Variants in HYOU1 observed in about 807,000 individuals in gnomAD.
HYOU1 encodes the protein hypoxia up-regulated 1.
Under a neutral mutation model 120.5 loss-of-function variants are expected in HYOU1, and 40 were observed. The ratio of observed to expected loss-of-function variants is 0.33; its 90% CI spans 0.26 to 0.43. The LOEUF (loss-of-function observed/expected upper bound fraction) is 0.43. Among genes scored for constraint, HYOU1 ranks in the 20% least tolerant of loss-of-function variants. The probability of loss-of-function intolerance (pLI) is 1.00; values close to 1 mark genes in which losing one functional copy is unlikely to be tolerated. For synonymous variants in HYOU1, 501 were observed against 479.4 expected, an observed-to-expected ratio of 1.05 and a Z score of -0.59; for missense variants, 1,085 against 1,278.3, an observed-to-expected ratio of 0.85 and a Z score of 2.31.
chr11:119,044,457 C>G lies in HYOU1; in HGVS notation c.*1136G>C, dbSNP rs550009675. On this transcript the variant is annotated 3_prime_UTR_variant, in exon 26 of 26. Transcript: ENST00000617285. ...CAGCAGCCCTAGCTCCTGCTACAGA[C>G]GGAATACTGGAGGACGGGCTCCCTA... 6.6e-6 allele frequency: 1 copy of G among 152,580 alleles called. No homozygotes were observed. The highest frequency in any genetic ancestry group is 2.1e-4 in the South Asian group (1 of 4,824). 9.5% of individuals were successfully genotyped at this position (152,580 alleles called of 1,614,324 possible).
intron 7 of HYOU1, 67 bp downstream of exon 7, chr11:119,054,427 G>A (rs951304334): frequency 2.6e-6 from 4 of 1,525,686 alleles, no homozygotes; most frequent in African/African-American, 1.4e-5. Context: ...GATGCAAAAG[G>A]GACCAAGTGG....
chr11:119,054,671 C>T lies in HYOU1; in HGVS notation c.501G>A (p.Gln167=). Reference sequence around the variant, plus strand: ...CGGTGATCACTGCATCCTTGATGGGCTGCTCTACAGATGACAACAGAAAAG... The same window carrying T: ...CGGTGATCACTGCATCCTTGATGGGTTGCTCTACAGATGACAACAGAAAAG... ...SRSLAEDFAE[Q]PIKDAVITVP... Residue 167 remains glutamine, a synonymous_variant, in exon 7 of 26, where the codon CAG becomes CAA. Coordinates refer to ENST00000617285, the MANE Select transcript of HYOU1 (RefSeq NM_006389.5). 6.2e-7 allele frequency: 1 copy of T among 1,611,348 alleles called. No homozygotes were observed. The highest frequency in any genetic ancestry group is 1.3e-5 in the African/African-American group (1 of 75,004).
Position 119,051,123 on chromosome 11 carries a change from T to G in HYOU1, c.1577A>C (p.Asp526Ala). The stretch of plus-strand genomic sequence containing the variant: ...GTAGTCAGGATACTTCTTGAAGCTG[T>G]CACCCACCCCTTTTAGCTTCACTGT... ...LTTVKLKGVG[D>A]SFKKYPDYES... Residue 526 changes from aspartate (D) to alanine (A), a missense_variant, in exon 14 of 26, where the codon GAC (aspartate) becomes GCC (alanine). Around this residue, in one of 4 missense-constraint regions of HYOU1, gnomAD observed 515 missense variants for 677.8 expected, o/e 0.76. Transcript: ENST00000617285. This position sits in a 1 kb window ranked among gnomAD's most constrained non-coding sequence, Gnocchi z 4.2. The G allele has an allele frequency of 1.9e-6, 3 of 1,614,198 alleles. No homozygotes were observed. Among genetic ancestry groups the G allele is most frequent in the Non-Finnish European group, 2.5e-6 (3 of 1,180,018 alleles).
chr11:119,052,265 G>C lies in HYOU1; in HGVS notation c.1122+30C>G. On this transcript the variant is annotated intron_variant, in intron 10 of 25. Transcript: ENST00000617285. This position sits in a 1 kb window ranked among gnomAD's most constrained non-coding sequence, Gnocchi z 5.0. ...TGGGTTTCCTATGCCCTTTCCTACG[G>C]GGCATTCCCGCCTTCCCCTACTCGC... The C allele has an allele frequency of 6.2e-7, 1 of 1,614,120 alleles. No individual in the cohort carries two copies. Among genetic ancestry groups the C allele is most frequent in the Non-Finnish European group, 8.5e-7 (1 of 1,179,998 alleles).
Position 119,048,758 on chromosome 11 carries a change from G to A in HYOU1, c.2121C>T (p.Asp707=). The change falls in exon 18 of 26, where the codon GAC becomes GAT. Residue 707 remains aspartate (D), a synonymous_variant. Transcript: ENST00000617285. The surrounding 1 kb of genome is among the most constrained non-coding windows in gnomAD (Gnocchi z 4.7). ...GCTTATCCTCTGGCAAGTCAGGCAG[G>A]TCCAGAACAACCAGCTCCACCCCGA... The part of the protein sequence containing the change: ...EEIGVELVVL[D]LPDLPEDKLA... 1 of 1,613,628 alleles carries A rather than the reference G, an allele frequency of 6.2e-7. No homozygotes were observed. Among genetic ancestry groups the A allele is most frequent in the Non-Finnish European group, 8.5e-7 (1 of 1,179,830 alleles).
Position 119,054,658 on chromosome 11 carries a change from C to T in HYOU1, c.514G>A (p.Ala172Thr). ...AAGAAGACTGGCACGGTGATCACTG[C>T]ATCCTTGATGGGCTGCTCTACAGAT... ...EDFAEQPIKD[A>T]VITVPVFFNQ... is the part of the protein sequence containing the mutation. The change falls in exon 7 of 26, where the codon GCA (alanine) becomes ACA (threonine). Residue 172 changes from alanine (A) to threonine (T), a missense_variant. Ala to Thr is a moderately conservative substitution (Grantham distance 58). Transcript: ENST00000617285. The T allele has an allele frequency of 6.2e-7, 1 of 1,612,746 alleles. No individual in the cohort carries two copies. The highest frequency in any genetic ancestry group is 8.5e-7 in the Non-Finnish European group (1 of 1,179,964).
intron 14 of HYOU1, among the ~76,000 whole-genome samples, chr11:119,050,156 A>C (rs2133577625): frequency 2.0e-5 from 3 of 152,216 alleles, no homozygotes; most frequent in South Asian, 2.1e-4. Context: ...TTATGCCTGT[A>C]ATCTCAACAC....
rs2133567437 is a variant in HYOU1, at chr11:119,048,812, G to A, written c.2067C>T (p.Pro689=). Residue 689 remains proline (P), a synonymous_variant, in exon 18 of 26, where the codon CCC becomes CCT. Transcript: ENST00000617285. The surrounding 1 kb of genome is among the most constrained non-coding windows in gnomAD (Gnocchi z 4.7). ...CCTCTACCATTCGCCGCTTCCTGGCGGGCTTCTGCTTCTTCTCTCCCTCTG... is the reference window on the plus strand; with the variant it reads ...CCTCTACCATTCGCCGCTTCCTGGCAGGCTTCTGCTTCTTCTCTCCCTCTG... ...PAPEGEKKQK[P]ARKRRMVEEI... 1.6e-5 allele frequency: 26 copies of A among 1,613,962 alleles called. No homozygotes were observed. The African/African-American group carries it at 2.1e-4, about 13-fold the overall frequency.
At chr11:119,046,203 T>A (rs2133548005) in intron 24 of HYOU1, among the ~76,000 whole-genome samples, 119 of 151,304 alleles carry the variant, frequency 7.9e-4, no homozygotes, top group African/African-American at 2.7e-3. Flanking sequence ...TGACCTCAGG[T>A]GATCTACCCG....
In HYOU1 at chr11:119,045,430, T is replaced by G; in HGVS notation, c.*163A>C. On this transcript the variant is annotated 3_prime_UTR_variant, in exon 26 of 26. Transcript: ENST00000617285. ...ACAGAGGTACTGCAGAAGGAACCAG[T>G]GAGCTGTCCCTCCCTTCCCCTTCTC... 2.7e-6 allele frequency: 2 copies of G among 743,900 alleles called. No homozygotes were observed. The highest frequency in any genetic ancestry group is 4.9e-6 in the Non-Finnish European group (2 of 411,890). The allele number at this position is 743,900 out of a possible 1,614,324, so 46.1% of individuals were successfully genotyped here. A position where few individuals can be genotyped will look rare whatever the true frequency, so the allele number is the denominator to read the frequency against.
Position 119,052,267 on chromosome 11 carries a change from G to T in HYOU1, c.1122+28C>A. On this transcript the variant is annotated intron_variant, in intron 10 of 25. Transcript: ENST00000617285. This position sits in a 1 kb window ranked among gnomAD's most constrained non-coding sequence, Gnocchi z 5.0. ...GGTTTCCTATGCCCTTTCCTACGGG[G>T]CATTCCCGCCTTCCCCTACTCGCTC... is the stretch of plus-strand genomic sequence containing the variant. 1 of 1,614,126 alleles carries T rather than the reference G, an allele frequency of 6.2e-7. No homozygotes were observed. Among genetic ancestry groups the T allele is most frequent in the South Asian group, 1.1e-5 (1 of 91,080 alleles).
At chr11:119,054,777 T>A in intron 6 of HYOU1, 102 bp from the exon 7 acceptor site, 1 of 1,287,534 alleles carries the variant, frequency 7.8e-7, no homozygotes, top group Non-Finnish European at 1.1e-6. Context: ...TTCTGTGTTG[T>A]GGGGCTGTCC....
At position 119,054,109 on chromosome 11, in the gene HYOU1, G is replaced by C; in HGVS notation, c.794+12C>G. 6.4e-7 allele frequency: 1 copy of C among 1,564,060 alleles called. No individual in the cohort carries two copies. The highest frequency in any genetic ancestry group is 1.1e-5 in the South Asian group (1 of 89,798). ...CTTCACAAGCAGCCCTCCCTGCCAA[G>C]TATCCACTTACCCTACTCCCCGGAT... On this transcript the variant is annotated intron_variant, in intron 8 of 25. Transcript: ENST00000617285.
At chr11:119,053,380 A>G (rs2133598955) in intron 8 of HYOU1, 1 of 153,224 alleles carries the variant, frequency 6.5e-6, no homozygotes, top group Non-Finnish European at 1.5e-5. Flanking sequence ...CAACGTTCAT[A>G]AAGACCTTGA....
chr11:119,045,235 A>C lies in HYOU1; in HGVS notation c.*358T>G. On this transcript the variant is annotated 3_prime_UTR_variant, in exon 26 of 26. Coordinates refer to ENST00000617285, the MANE Select transcript of HYOU1 (RefSeq NM_006389.5). ...CAGAGAAGAGTGGAAACTCCCCAGC[A>C]ACCTGATACCCTTCCCATCACCGGG... The C allele has an allele frequency of 2.1e-6, 1 of 483,618 alleles. No homozygotes were observed. The allele number at this position is 483,618 out of a possible 1,614,324, so 30.0% of individuals were successfully genotyped here.
Position 119,055,264 on chromosome 11 carries a change from C to A in HYOU1, c.340G>T (p.Ala114Ser). The change falls in exon 5 of 26, where the codon GCT becomes TCT. Residue 114 changes from alanine (A) to serine (S), a missense_variant. Ala to Ser is a moderately conservative substitution (Grantham distance 99). Coordinates refer to ENST00000617285, the MANE Select transcript of HYOU1 (RefSeq NM_006389.5). The surrounding 1 kb of genome is among the most constrained non-coding windows in gnomAD (Gnocchi z 4.0). ...LGKQADNPHV[A>S]LYQARFPEHE... ...TCCGGGAAGCGGGCCTGGTAAAGAGCTACATGGGGGTTATCTGCCTGCTTC... is the reference window on the plus strand; with the variant it reads ...TCCGGGAAGCGGGCCTGGTAAAGAGATACATGGGGGTTATCTGCCTGCTTC... 6.2e-7 allele frequency: 1 copy of A among 1,614,168 alleles called. No homozygotes were observed. The highest frequency in any genetic ancestry group is 8.5e-7 in the Non-Finnish European group (1 of 1,180,022).
At chr11:119,053,129 G>C (rs1408469420) in intron 8 of HYOU1, 1 of 341,544 alleles carries the variant, frequency 2.9e-6, no homozygotes, top group Admixed American at 4.4e-5. Context: ...CTATGGAAAA[G>C]TTGAATAATC....
intron 2 of HYOU1, 41 bp downstream of exon 2, chr11:119,056,029 G>T: frequency 6.4e-7 from 1 of 1,550,668 alleles, no homozygotes; most frequent in Non-Finnish European, 8.9e-7. Flanking sequence ...GCATCCTTCA[G>T]TCATCATTTA....
intron 1 of HYOU1, among the ~76,000 whole-genome samples, chr11:119,056,633 G>A (rs957789692): frequency 1.1e-4 from 16 of 152,246 alleles, no homozygotes; most frequent in African/African-American, 3.9e-4. Context: ...GTTGGGGGTA[G>A]CTAGGATGAA....
Sources: allele counts gnomAD v4.1 joint callset (sites outside exome capture counted in the v4.1 genomes callset), GRCh38; gene constraint gnomAD v4.1.1; regional missense constraint gnomAD v4.1.1; non-coding constraint Gnocchi (gnomAD v3.1); transcripts MANE v1.5; gene names NCBI Gene and HGNC (gene_info 2026-07-23, HGNC 2026-07-21).